NRXN3: variants seen among roughly 807,000 people sequenced by gnomAD.
The protein encoded by NRXN3 is neurexin III.
Under a neutral mutation model 137.6 loss-of-function variants are expected in NRXN3, and 32 were observed. The ratio of observed to expected loss-of-function variants is 0.23; its 90% confidence interval spans 0.18 to 0.31. The LOEUF (loss-of-function observed/expected upper bound fraction) is 0.31, where lower values mean the gene tolerates loss of function less well. Ranked by LOEUF, NRXN3 falls within the 10% of genes least tolerant of loss-of-function variation. The pLI is 1.00. For synonymous variants in NRXN3, 798 were observed against 784.5 expected (o/e 1.02, Z -0.29); for missense variants, 1,574 against 2,062.5 (o/e 0.76, Z 4.59).
intron 15 of NRXN3, among the ~76,000 whole-genome samples, chr14:79,001,552 T>C (rs1260998202): frequency 6.6e-6 from 1 of 152,334 alleles, no homozygotes; most frequent in African/African-American, 2.4e-5. Context: ...TCTTTCTCCC[T>C]GGAAGGCGCT....
intron 10 of NRXN3, among the ~76,000 whole-genome samples, chr14:78,952,124 G>A (rs1052253572): frequency 1.3e-5 from 2 of 152,270 alleles, no homozygotes; most frequent in Admixed American, 1.3e-4. Flanking sequence ...CACACCTGTT[G>A]TAGGAGGTAT....
chr14:79,125,427 A>C (rs928964878), intron 15 of NRXN3, among the ~76,000 whole-genome samples: 1 of 152,174 alleles, frequency 6.6e-6, no homozygotes, highest in Admixed American at 6.5e-5. Flanking sequence ...CTCAACAGAT[A>C]GTTGTTCATT....
At chr14:79,196,713 G>A (rs931278165) in intron 15 of NRXN3, among the ~76,000 whole-genome samples, 8 of 151,912 alleles carry the variant, frequency 5.3e-5, no homozygotes, top group Admixed American at 4.6e-4. Flanking sequence ...GGTCTCATTT[G>A]CTTGCTTAAA....
At chr14:78,874,559 G>T (rs1370496320) in intron 10 of NRXN3, among the ~76,000 whole-genome samples, 1 of 152,110 alleles carries the variant, frequency 6.6e-6, no homozygotes. Context: ...TATCATATCA[G>T]ATCCTATTTT....
chr14:79,254,841 C>T (rs1353878969), intron 15 of NRXN3, among the ~76,000 whole-genome samples: 2 of 138,406 alleles, frequency 1.4e-5, no homozygotes, highest in Non-Finnish European at 3.1e-5. Context: ...TTCTTTCCTT[C>T]TTTCCTTCCT....
At chr14:78,896,584 G>T (rs1597118909) in intron 10 of NRXN3, among the ~76,000 whole-genome samples, 2 of 151,778 alleles carry the variant, frequency 1.3e-5, no homozygotes, top group East Asian at 3.9e-4. Context: ...AGAATTGAGG[G>T]AGAAGAGAGA....
chr14:78,756,835 A>G (rs1189415899), intron 8 of NRXN3, among the ~76,000 whole-genome samples: 1 of 152,150 alleles, frequency 6.6e-6, no homozygotes. Flanking sequence ...TCTTATTTAC[A>G]TTTCTTCCAA....
chr14:78,704,030 G>A (rs1040903161), intron 6 of NRXN3, among the ~76,000 whole-genome samples: 4 of 152,194 alleles, frequency 2.6e-5, no homozygotes, highest in East Asian at 1.9e-4. Flanking sequence ...AACAGAACAC[G>A]TGGAAACACA....
At position 79,610,697 on chromosome 14, in the gene NRXN3, T is replaced by C. The variant is rs1030507833; in HGVS notation, c.3445-53081T>C. Among the ~76,000 whole-genome samples, 19 of 152,340 alleles carry C rather than the reference T, an allele frequency of 1.2e-4. No homozygotes were observed. In the East Asian group the frequency reaches 2.5e-3, roughly 20 times the overall value. ...TTCTAAATAGAGTTACGTGAGTTTT[T>C]CCCCAAAGACTCATGCCCTTTTTTA... On this transcript the variant is annotated intron_variant, in intron 16 of 20. Coordinates refer to ENST00000335750, the MANE Select transcript of NRXN3 (RefSeq NM_001330195.2).
At chr14:79,613,827 C>G (rs1403617768) in intron 16 of NRXN3, among the ~76,000 whole-genome samples, 2 of 152,216 alleles carry the variant, frequency 1.3e-5, no homozygotes, top group Non-Finnish European at 2.9e-5. Flanking sequence ...TTTAGCTTAG[C>G]AGGAAACACA....
chr14:79,386,280 A>G (rs2094613203), intron 15 of NRXN3, among the ~76,000 whole-genome samples: 1 of 152,220 alleles, frequency 6.6e-6, no homozygotes, highest in South Asian at 2.1e-4. Context: ...ATCAATGTGC[A>G]AAAATCACAA....
At chr14:79,123,024 G>A (rs961469188) in intron 15 of NRXN3, among the ~76,000 whole-genome samples, 6 of 152,136 alleles carry the variant, frequency 3.9e-5, no homozygotes, top group Non-Finnish European at 8.8e-5. Context: ...AATTAAGAGA[G>A]TAAAAAGTAT....
intron 15 of NRXN3, among the ~76,000 whole-genome samples, chr14:79,021,285 A>T (rs2152445061): frequency 6.6e-6 from 1 of 152,300 alleles, no homozygotes; most frequent in South Asian, 2.1e-4. Context: ...CTGGGACCTT[A>T]AACATCATCA....
intron 10 of NRXN3, among the ~76,000 whole-genome samples, chr14:78,909,524 A>G (rs1303917832): frequency 6.6e-6 from 1 of 152,154 alleles, no homozygotes; most frequent in Non-Finnish European, 1.5e-5. Flanking sequence ...TTCTCATCAA[A>G]CAAGGGCAAT....
intron 15 of NRXN3, among the ~76,000 whole-genome samples, chr14:79,160,333 C>A (rs1244209620): frequency 6.6e-6 from 1 of 151,914 alleles, no homozygotes; most frequent in Non-Finnish European, 1.5e-5. Flanking sequence ...TGGATTCTCC[C>A]ACTCCCCAGC....
intron 4 of NRXN3, among the ~76,000 whole-genome samples, chr14:78,429,177 A>G (rs951098616): frequency 6.6e-6 from 1 of 151,940 alleles, no homozygotes; most frequent in African/African-American, 2.4e-5. Flanking sequence ...CTTGGGTTCA[A>G]GCAATTCTCG....
At chr14:79,538,143 G>GT (rs1395645167) in intron 16 of NRXN3, among the ~76,000 whole-genome samples, 1 of 152,022 alleles carries the variant, frequency 6.6e-6, no homozygotes, top group Non-Finnish European at 1.5e-5. Flanking sequence ...GGGGTTGTTT[G>GT]TTTTTTTCTT....
chr14:79,041,988 C>A (rs550780286), intron 15 of NRXN3, among the ~76,000 whole-genome samples: 14 of 152,184 alleles, frequency 9.2e-5, no homozygotes, highest in South Asian at 6.2e-4. Flanking sequence ...GAGAGAAAAG[C>A]AAAAGGACAA....
chr14:79,356,391 T>C (rs2093423540), intron 15 of NRXN3, among the ~76,000 whole-genome samples: 1 of 152,176 alleles, frequency 6.6e-6, no homozygotes, highest in Non-Finnish European at 1.5e-5. Flanking sequence ...CTTAAACTCT[T>C]GCTTTTCCTG....
Sources: gnomAD v4.1 joint callset for allele counts (sites outside exome capture counted in the v4.1 genomes callset) on GRCh38, gnomAD v4.1.1 for gene constraint, MANE v1.5 for transcripts, NCBI Gene and HGNC (gene_info 2026-07-23, HGNC 2026-07-21) for gene names.